INTS13: variants seen among roughly 807,000 people sequenced by gnomAD.
The protein encoded by INTS13 is integrator complex subunit 13, also known as asunder, spermatogenesis regulator homolog (Drosphila).
A neutral mutation model predicts 90.2 loss-of-function variants in INTS13; 35 were observed. That is an observed-to-expected ratio of 0.39 (90% CI 0.30 to 0.51). The LOEUF is 0.51. Among genes scored for constraint, INTS13 ranks in the 20% least tolerant of loss-of-function variants. The probability of loss-of-function intolerance (pLI) is 0.80; values close to 1 mark genes in which losing one functional copy is unlikely to be tolerated. For synonymous variants in INTS13, 309 were observed against 277.1 expected, an observed-to-expected ratio of 1.11 and a Z score of -1.14; for missense variants, 601 against 851.2, an observed-to-expected ratio of 0.71 and a Z score of 3.66.
At position 26,936,812 on chromosome 12, in the gene INTS13, A is replaced by G; in HGVS notation, c.-9T>C. ...TCAGAAAAAATCTTCATTTTGTTTT[A>G]ACCTGTAAGGGGAAAAACATATTAG... On this transcript the variant is annotated splice_region_variant and 5_prime_UTR_variant, in exon 2 of 17. Transcript: ENST00000261191. 6.3e-7 allele frequency: 1 copy of G among 1,597,780 alleles called. No individual in the cohort carries two copies. Among genetic ancestry groups the G allele is most frequent in the Non-Finnish European group, 8.6e-7 (1 of 1,165,758 alleles).
intron 3 of INTS13, among the ~76,000 whole-genome samples, chr12:26,931,139 TA>T (rs201302152): frequency 0.012 from 1,709 of 145,028 alleles, 27 homozygotes; most frequent in African/African-American, 0.04. Flanking sequence ...AAAATTAAAT[TA>T]AAAAAAAAAA....
intron 9 of INTS13, 53 bp downstream of exon 9, chr12:26,917,591 A>G: frequency 1.3e-6 from 2 of 1,506,554 alleles, no homozygotes; most frequent in East Asian, 2.3e-5. Flanking sequence ...CCCCCATATA[A>G]TACCTTAAGA....
At chr12:26,937,193 T>C (rs890816676) in intron 1 of INTS13, among the ~76,000 whole-genome samples, 5 of 152,242 alleles carry the variant, frequency 3.3e-5, no homozygotes, top group Admixed American at 2.6e-4. Flanking sequence ...CCTTGCTAAT[T>C]GACATTAGTC....
At chr12:26,911,447 A>G in intron 14 of INTS13, 130 bp from the exon 15 acceptor site, 1 of 630,070 alleles carries the variant, frequency 1.6e-6, no homozygotes. Context: ...CCTAGGGACT[A>G]ATCAAAAATC....
At chr12:26,920,909 T>C (rs1952100219) in intron 8 of INTS13, among the ~76,000 whole-genome samples, 1 of 152,208 alleles carries the variant, frequency 6.6e-6, no homozygotes, top group Admixed American at 6.5e-5. Flanking sequence ...AATTGGCTCA[T>C]GATTATGCTT....
chr12:26,917,021 A>G (rs1305135624), intron 10 of INTS13, among the ~76,000 whole-genome samples: 1 of 152,164 alleles, frequency 6.6e-6, no homozygotes, highest in Non-Finnish European at 1.5e-5. Context: ...TTCTAATTAT[A>G]GCTTCTAAAA....
At chr12:26,915,902 C>CT in intron 11 of INTS13, 100 bp downstream of exon 11, 1 of 830,856 alleles carries the variant, frequency 1.2e-6, no homozygotes, top group Non-Finnish European at 1.8e-6. Context: ...CTTCCAGTCT[C>CT]TTTTTTTCCA....
At chr12:26,930,846 A>G (rs1767557389) in intron 3 of INTS13, among the ~76,000 whole-genome samples, 1 of 152,196 alleles carries the variant, frequency 6.6e-6, no homozygotes, top group Admixed American at 6.5e-5. Flanking sequence ...TGAAAAAGGT[A>G]AACACTTCTT....
intron 2 of INTS13, among the ~76,000 whole-genome samples, chr12:26,936,201 T>G (rs560151846): frequency 6.6e-6 from 1 of 152,212 alleles, no homozygotes; most frequent in East Asian, 1.9e-4. Context: ...GACAGTCAGC[T>G]GCTACATGCC....
chr12:26,937,413 T>C (rs992866041), intron 1 of INTS13, among the ~76,000 whole-genome samples: 1 of 152,222 alleles, frequency 6.6e-6, no homozygotes, highest in African/African-American at 2.4e-5. Context: ...CCTTAGCTTT[T>C]GAAACATCAC....
intron 8 of INTS13, among the ~76,000 whole-genome samples, chr12:26,922,384 A>G (rs1592216902): frequency 6.6e-6 from 1 of 152,192 alleles, no homozygotes; most frequent in African/African-American, 2.4e-5. Context: ...TAATTGTTCA[A>G]TTTCATTCTT....
Position 26,925,831 on chromosome 12 carries a change from C to A in INTS13, c.605G>T (p.Cys202Phe). ...NSDHLMQIQK[C>F]ELVLIHTYPV... is the part of the protein sequence containing the mutation. ...GTAGGTGTGGATCAAGACCAACTCA[C>A]ATTTTTGAATCTGCATGAGACTTAA... The change falls in exon 6 of 17, where the codon TGT (cysteine) becomes TTT (phenylalanine). Residue 202 changes from cysteine (C) to phenylalanine (F), a missense_variant. Cys to Phe is a radical substitution (Grantham distance 205). Around this residue, in one of 3 missense-constraint regions of INTS13, gnomAD observed 284 missense variants for 387.7 expected, o/e 0.73. Transcript: ENST00000261191. 1.2e-6 allele frequency: 2 copies of A among 1,612,698 alleles called. No homozygotes were observed. Among genetic ancestry groups the A allele is most frequent in the Non-Finnish European group, 1.7e-6 (2 of 1,179,160 alleles).
At chr12:26,912,731 CTTT>C (rs10712629) in intron 14 of INTS13, among the ~76,000 whole-genome samples, 9 of 144,834 alleles carry the variant, frequency 6.2e-5, no homozygotes, top group Admixed American at 1.4e-4. Context: ...GCTGCAATCA[CTTT>C]TTTTTTTTTT....
intron 6 of INTS13, among the ~76,000 whole-genome samples, chr12:26,924,700 C>A (rs1408696662): frequency 6.6e-6 from 1 of 152,130 alleles, no homozygotes; most frequent in African/African-American, 2.4e-5. Context: ...TTGCTAGATA[C>A]CAGAAACTGT....
In INTS13 at chr12:26,928,708, T is replaced by G; in HGVS notation, c.498A>C (p.Ala166=). The change falls in exon 4 of 17, where the codon GCA becomes GCC. Residue 166 remains alanine, a synonymous_variant. Transcript: ENST00000261191. ...NRGRIICITN[A]KSDSHVRMLE... ...TGCTATAATCAACACCTCACCTTTT[T>G]GCATTAGTAATACAGATTATTCGTC... is the stretch of plus-strand genomic sequence containing the variant. The G allele has an allele frequency of 6.2e-7, 1 of 1,613,782 alleles. No homozygotes were observed. The highest frequency in any genetic ancestry group is 8.5e-7 in the Non-Finnish European group (1 of 1,179,982).
chr12:26,928,123 C>T (rs1025816299), intron 5 of INTS13, 82 bp downstream of exon 5: 26 of 999,790 alleles, frequency 2.6e-5, no homozygotes, highest in Middle Eastern at 5.4e-4. Context: ...CAGGGAAACG[C>T]TACCAGTCAA....
chr12:26,922,738 T>C, intron 7 of INTS13, 38 bp from the exon 8 acceptor site: 1 of 1,372,594 alleles, frequency 7.3e-7, no homozygotes, highest in South Asian at 1.4e-5. Flanking sequence ...AAAACTTGGT[T>C]TTGCTTTCAA....
chr12:26,915,100 C>T (rs1951894647), intron 11 of INTS13, among the ~76,000 whole-genome samples: 3 of 152,096 alleles, frequency 2.0e-5, no homozygotes, highest in Admixed American at 6.5e-5. Context: ...GTGGCAGGCG[C>T]CTATAATCTT....
chr12:26,913,274 T>C (rs533817910), intron 14 of INTS13, among the ~76,000 whole-genome samples, 183 bp downstream of exon 14: 1 of 152,228 alleles, frequency 6.6e-6, no homozygotes, highest in Non-Finnish European at 1.5e-5. Context: ...TAAAAATTCA[T>C]ACTTTTTTGT....
Sources: gnomAD v4.1 joint callset for allele counts (sites outside exome capture counted in the v4.1 genomes callset) on GRCh38, gnomAD v4.1.1 for gene constraint, gnomAD v4.1.1 regional missense constraint, MANE v1.5 for transcripts, NCBI Gene and HGNC (gene_info 2026-07-23, HGNC 2026-07-21) for gene names.